The following DPYS variants were observed in gnomAD, a reference collection of about 807,000 sequenced individuals.
DPYS encodes dihydropyrimidinase, also known as dihydropyrimidine amidohydrolase.
Under a neutral mutation model 50.3 loss-of-function variants are expected in DPYS, and 39 were observed. The observed-to-expected ratio is 0.78, with a 90% CI of 0.60 to 1.01. The LOEUF is 1.01. Among genes scored for constraint, DPYS ranks in the 50% least tolerant of loss-of-function variants. The pLI is 0.00. For missense variants in DPYS, 659 were observed against 680.9 expected, an observed-to-expected ratio of 0.97 and a Z score of 0.36; for synonymous variants, 245 against 250.7, an observed-to-expected ratio of 0.98 and a Z score of 0.22.
chr8:104,465,752 T>G (rs950892313), intron 1 of DPYS, among the ~76,000 whole-genome samples: 1 of 152,208 alleles, frequency 6.6e-6, no homozygotes, highest in East Asian at 1.9e-4. Context: ...AAAGCTGTCC[T>G]GGGCTGCATG....
intron 1 of DPYS, among the ~76,000 whole-genome samples, chr8:104,454,446 T>G (rs1174330387): frequency 2.6e-5 from 4 of 152,178 alleles, no homozygotes; most frequent in Admixed American, 6.5e-5. Context: ...CTTGCACAAT[T>G]CTGTGAACAT....
At chr8:104,417,684 A>G (rs1303035748) in intron 7 of DPYS, among the ~76,000 whole-genome samples, 1 of 152,238 alleles carries the variant, frequency 6.6e-6, no homozygotes, top group Admixed American at 6.5e-5. Context: ...CAGGCTCTTT[A>G]TTTCCGAAAA....
At chr8:104,466,535 G>A (rs1421448438) in intron 1 of DPYS, 122 bp downstream of exon 1, 1 of 1,162,410 alleles carries the variant, frequency 8.6e-7, no homozygotes, top group Non-Finnish European at 1.1e-6. Context: ...GCTCCTTCCC[G>A]CCCACCCAGC....
chr8:104,434,869 T>A (rs2669438), intron 4 of DPYS, among the ~76,000 whole-genome samples: 92,396 of 152,126 alleles, frequency 0.61, 29,205 homozygotes, highest in Non-Finnish European at 0.71. Flanking sequence ...ACGTAAACTT[T>A]ATTAAGACAA....
intron 4 of DPYS, among the ~76,000 whole-genome samples, chr8:104,430,714 C>T (rs1360993475): frequency 6.6e-6 from 1 of 152,204 alleles, no homozygotes; most frequent in Non-Finnish European, 1.5e-5. Flanking sequence ...AACTAGCCAT[C>T]TTCCACTAGC....
chr8:104,450,018 T>G (rs1012987438), intron 2 of DPYS, among the ~76,000 whole-genome samples: 4 of 152,156 alleles, frequency 2.6e-5, no homozygotes, highest in Non-Finnish European at 5.9e-5. Context: ...CAGGTGACTC[T>G]TTGTATACTA....
intron 1 of DPYS, among the ~76,000 whole-genome samples, chr8:104,465,515 G>C (rs950841056): frequency 1.3e-5 from 2 of 152,192 alleles, no homozygotes; most frequent in Non-Finnish European, 2.9e-5. Flanking sequence ...TTTAGCCCAA[G>C]TGCTGAGAGT....
chr8:104,399,310 A>AAAAAAAAAAAAAAAAC (rs1811705867), intron 7 of DPYS, among the ~76,000 whole-genome samples: 1 of 40,278 alleles, frequency 2.5e-5, no homozygotes, highest in South Asian at 6.7e-4. Context: ...AAAAAAAAAA[A>AAAAAAAAAAAAAAAAC]CAACAACAAA....
At chr8:104,401,918 G>A (rs1811826973) in intron 7 of DPYS, among the ~76,000 whole-genome samples, 1 of 152,200 alleles carries the variant, frequency 6.6e-6, no homozygotes, top group African/African-American at 2.4e-5. Context: ...GCCTCCTGCA[G>A]AAGAGAAAAT....
chr8:104,392,815 T>C lies in DPYS; in HGVS notation c.1412A>G (p.Tyr471Cys), dbSNP rs373070454. Residue 471 changes from tyrosine to cysteine, a missense_variant, in exon 8 of 10, where the codon TAT (tyrosine) becomes TGT (cysteine). Transcript: ENST00000351513. ...KFIPRKPFAEYIYKRIKQRDR... is the reference protein window; with the variant it reads ...KFIPRKPFAECIYKRIKQRDR... ...TCGCTGCTTTATTCGTTTGTAAATA[T>C]ATTCAGCAAATGGTTTTCGAGGAAT... 2.8e-5 allele frequency: 46 copies of C among 1,614,072 alleles called. No individual in the cohort carries two copies. The highest frequency in any genetic ancestry group is 1.6e-4 in the Middle Eastern group (1 of 6,082).
chr8:104,381,869 C>CACACACACACACACACACAG (rs1811059710), intron 8 of DPYS, among the ~76,000 whole-genome samples: 1 of 117,618 alleles, frequency 8.5e-6, no homozygotes, highest in Non-Finnish European at 1.8e-5. Flanking sequence ...CACACACACA[C>CACACACACACACACACACAG]ACACACACAC....
intron 7 of DPYS, among the ~76,000 whole-genome samples, chr8:104,412,364 C>T (rs904550440): frequency 7.2e-5 from 11 of 152,108 alleles, no homozygotes; most frequent in African/African-American, 2.2e-4. Flanking sequence ...AGGGCCAATG[C>T]GAATGTTTGT....
Position 104,424,280 on chromosome 8 carries a change from G to A in DPYS, c.1202C>T (p.Ala401Val). 2 of 1,614,126 alleles carry A rather than the reference G, an allele frequency of 1.2e-6. No homozygotes were observed. The highest frequency in any genetic ancestry group is 1.7e-6 in the Non-Finnish European group (2 of 1,180,002). ...TTTTGGGTCCCAAATAACAATGTCA[G>A]CATCTGATCCTACAGCTATTCTTCC... ...RKGRIAVGSD[A>V]DIVIWDPKGT... is the part of the protein sequence containing the mutation. The change falls in exon 7 of 10, where the codon GCT becomes GTT. Residue 401 changes from alanine (A) to valine (V), a missense_variant. Ala to Val is a moderately conservative substitution (Grantham distance 64). Transcript: ENST00000351513.
At chr8:104,384,214 A>G (rs1007249302) in intron 8 of DPYS, among the ~76,000 whole-genome samples, 1 of 152,178 alleles carries the variant, frequency 6.6e-6, no homozygotes, top group African/African-American at 2.4e-5. Flanking sequence ...CTTTTGATAG[A>G]TAAGTTGACA....
Position 104,466,763 on chromosome 8 carries a change from T to A in DPYS, c.158A>T (p.Asp53Val). ...GGAPAGLRVL[D>V]AAGKLVLPGG... Reference sequence around the variant, plus strand: ...GGGCAGGACGAGCTTGCCGGCGGCGTCGAGGACCCGCAGCCCCGCAGGAGC... The same window carrying A: ...GGGCAGGACGAGCTTGCCGGCGGCGACGAGGACCCGCAGCCCCGCAGGAGC... The change falls in exon 1 of 10, where the codon GAC becomes GTC. Residue 53 changes from aspartate (D) to valine (V), a missense_variant. By Grantham distance (152) the Asp-to-Val change is radical. Coordinates refer to ENST00000351513, the MANE Select transcript of DPYS (RefSeq NM_001385.3). 1 of 1,534,400 alleles carries A rather than the reference T, an allele frequency of 6.5e-7. No individual in the cohort carries two copies. Among genetic ancestry groups the A allele is most frequent in the Non-Finnish European group, 8.7e-7 (1 of 1,145,756 alleles).
chr8:104,412,113 C>CT (rs1266034975), intron 7 of DPYS, among the ~76,000 whole-genome samples: 2 of 152,178 alleles, frequency 1.3e-5, no homozygotes, highest in Admixed American at 6.5e-5. Flanking sequence ...TACATGAAAT[C>CT]TTTTAAACTT....
chr8:104,422,218 A>G (rs1812572456), intron 7 of DPYS, among the ~76,000 whole-genome samples: 1 of 152,218 alleles, frequency 6.6e-6, no homozygotes, highest in Admixed American at 6.5e-5. Flanking sequence ...TAGACTGAAG[A>G]GTCTCACCAC....
chr8:104,449,830 C>G (rs937473291), intron 2 of DPYS, among the ~76,000 whole-genome samples: 1 of 152,206 alleles, frequency 6.6e-6, no homozygotes, highest in Non-Finnish European at 1.5e-5. Context: ...TCAGAAGGAA[C>G]CAACCCTGCT....
chr8:104,464,165 T>C (rs960560762), intron 1 of DPYS, among the ~76,000 whole-genome samples: 4 of 152,174 alleles, frequency 2.6e-5, no homozygotes, highest in Non-Finnish European at 4.4e-5. Flanking sequence ...TTCACAACCT[T>C]TAAGTACAGA....
Sources: allele counts gnomAD v4.1 joint callset (sites outside exome capture counted in the v4.1 genomes callset), GRCh38; gene constraint gnomAD v4.1.1; transcripts MANE v1.5; gene names NCBI Gene and HGNC (gene_info 2026-07-23, HGNC 2026-07-21).